WDR27: variants seen among roughly 807,000 people sequenced by gnomAD.
The protein encoded by WDR27 is WD repeat domain 27, also known as WD repeat-containing protein 27.
WDR27 carries 100 observed loss-of-function variants against 114.4 expected under a neutral mutation model. That is an observed-to-expected ratio of 0.87 (90% confidence interval 0.74 to 1.03). The LOEUF (loss-of-function observed/expected upper bound fraction) is 1.03. WDR27 is among the 50% of genes least tolerant of loss of function. The pLI is 0.00. For missense variants in WDR27, 1,129 were observed against 1,092.9 expected (o/e 1.03, Z -0.47); for synonymous variants, 449 against 423.1 (o/e 1.06, Z -0.75).
At chr6:169,528,327 C>A (rs187471233) in intron 25 of WDR27, among the ~76,000 whole-genome samples, 127 of 152,054 alleles carry the variant, frequency 8.4e-4, no homozygotes, top group African/African-American at 2.8e-3. Flanking sequence ...ATACAAATGC[C>A]CAGTATACTA....
chr6:169,622,444 T>C (rs1813606739), intron 21 of WDR27, among the ~76,000 whole-genome samples: 1 of 152,202 alleles, frequency 6.6e-6, no homozygotes, highest in Non-Finnish European at 1.5e-5. Flanking sequence ...AGCAGTGGTA[T>C]ATTTAACTGC....
chr6:169,443,230 C>T, the WDR27 span, among the ~76,000 whole-genome samples: 4 of 152,302 alleles, frequency 2.6e-5, no homozygotes, highest in African/African-American at 7.2e-5. Flanking sequence ...GACAGCAACA[C>T]GTGCCGTCAC....
intron 24 of WDR27, among the ~76,000 whole-genome samples, chr6:169,580,250 T>C (rs1803152145): frequency 6.6e-6 from 1 of 152,262 alleles, no homozygotes; most frequent in African/African-American, 2.4e-5. Context: ...TGGAATCACG[T>C]ATTAAATAAA....
intron 16 of WDR27, chr6:169,647,505 A>G: frequency 1.8e-6 from 1 of 552,672 alleles, no homozygotes. Flanking sequence ...GAGGAGCTGG[A>G]CACAGAACAG....
At chr6:169,512,019 C>T (rs1792965774) in intron 25 of WDR27, among the ~76,000 whole-genome samples, 1 of 152,078 alleles carries the variant, frequency 6.6e-6, no homozygotes, top group Non-Finnish European at 1.5e-5. Context: ...CAGTGTACAT[C>T]TTTTTTCAAA....
intron 5 of WDR27, chr6:169,667,401 A>G: frequency 8.2e-7 from 1 of 1,221,272 alleles, no homozygotes; most frequent in Non-Finnish European, 1.0e-6. Context: ...TTCCATAAAT[A>G]AAACCCTGGT....
At chr6:169,470,821 G>A (rs1786275203) in intron 25 of WDR27, among the ~76,000 whole-genome samples, 1 of 152,294 alleles carries the variant, frequency 6.6e-6, no homozygotes, top group Admixed American at 6.5e-5. Flanking sequence ...AAAGGAGCAT[G>A]CAATTTGGTC....
At chr6:169,700,561 G>A (rs187546429) in intron 1 of WDR27, among the ~76,000 whole-genome samples, 33 of 152,260 alleles carry the variant, frequency 2.2e-4, no homozygotes, top group Non-Finnish European at 3.4e-4. Context: ...GGCTAAATGC[G>A]GAGAATTCAG....
intron 24 of WDR27, among the ~76,000 whole-genome samples, chr6:169,577,440 T>C (rs978181928): frequency 6.7e-6 from 1 of 150,106 alleles, no homozygotes; most frequent in Non-Finnish European, 1.5e-5. Context: ...GTCGGGGGCC[T>C]GGAGACGGGG....
intron 2 of WDR27, among the ~76,000 whole-genome samples, chr6:169,679,559 CAGTG>C (rs1228395721): frequency 1.3e-5 from 2 of 152,270 alleles, no homozygotes; most frequent in Admixed American, 6.5e-5. Flanking sequence ...GTCCTCACCA[CAGTG>C]AGTGAGTTCT....
rs1386874231 is a variant in WDR27, at chr6:169,613,587, T to C, written c.2293A>G (p.Met765Val). ...AGGGTTCTCAGGTCCCACAGTCTCA[T>C]CCCATCGCCAATGGCCGTGGTCAGG... is the stretch of plus-strand genomic sequence containing the variant. ...LFLTTAIGDGMRLWDLRTLRC... is the reference protein window; with the variant it reads ...LFLTTAIGDGVRLWDLRTLRC... The change falls in exon 22 of 26, where the codon ATG (methionine) becomes GTG (valine). Residue 765 changes from methionine (M) to valine (V), a missense_variant. Transcript: ENST00000448612. 4.3e-6 allele frequency: 7 copies of C among 1,613,704 alleles called. No homozygotes were observed. Among genetic ancestry groups the C allele is most frequent in the African/African-American group, 1.3e-5 (1 of 74,880 alleles).
At position 169,636,519 on chromosome 6, in the gene WDR27, A is replaced by G. The variant is rs1817689800; in HGVS notation, c.1870-15T>C. On this transcript the variant is annotated splice_polypyrimidine_tract_variant and intron_variant, in intron 18 of 25. Transcript: ENST00000448612. ...ATGTCTTTGCCCTGTAATGCAAATC[A>G]GTAATTACTGTCAATATAATAAATG... 1.9e-6 allele frequency: 3 copies of G among 1,588,784 alleles called. No homozygotes were observed. Among genetic ancestry groups the G allele is most frequent in the South Asian group, 1.2e-5 (1 of 85,840 alleles).
At chr6:169,447,448 C>T in the WDR27 span, among the ~76,000 whole-genome samples, 10 of 152,158 alleles carry the variant, frequency 6.6e-5, no homozygotes, top group African/African-American at 2.4e-4. Context: ...TCCATTTCTT[C>T]TCTTGAAGCT....
At chr6:169,467,616 C>T (rs1190720850) in intron 25 of WDR27, among the ~76,000 whole-genome samples, 1 of 152,224 alleles carries the variant, frequency 6.6e-6, no homozygotes, top group Non-Finnish European at 1.5e-5. Flanking sequence ...ATGCAGGGCA[C>T]CAAGTCCTGA....
intron 23 of WDR27, among the ~76,000 whole-genome samples, chr6:169,599,127 A>ATCCCTCC: frequency 7.0e-6 from 1 of 141,894 alleles, no homozygotes; most frequent in East Asian, 2.4e-4. Context: ...TCCTAATGCT[A>ATCCCTCC]TCCCTCCCCC....
intron 25 of WDR27, among the ~76,000 whole-genome samples, chr6:169,510,222 G>A (rs2115525900): frequency 1.3e-5 from 2 of 152,268 alleles, no homozygotes; most frequent in South Asian, 4.2e-4. Flanking sequence ...AGTTGGCGTG[G>A]CAATTCCTCA....
chr6:169,645,908 G>A (rs1177406149), intron 16 of WDR27, among the ~76,000 whole-genome samples: 2 of 148,632 alleles, frequency 1.3e-5, no homozygotes, highest in Non-Finnish European at 3.0e-5. Context: ...TAGTTCACAG[G>A]GTCACACTGT....
intron 25 of WDR27, among the ~76,000 whole-genome samples, chr6:169,457,973 CGG>C (rs1784463251): frequency 8.9e-6 from 1 of 111,740 alleles, no homozygotes; most frequent in Admixed American, 8.7e-5. Context: ...GCACTCCTGA[CGG>C]AGGAGGAGGA....
rs1236589427 is a variant in WDR27, at chr6:169,638,585, G to A, written c.1823C>T (p.Thr608Ile). Residue 608 changes from threonine to isoleucine, a missense_variant, in exon 18 of 26, where the codon ACC becomes ATC. Physicochemically the swap from Thr to Ile is moderately conservative, Grantham distance 89 (BLOSUM62 -1). Coordinates refer to ENST00000448612, the MANE Select transcript of WDR27 (RefSeq NM_182552.5). ...CCCACGAGCCGACCACATTCGCAGG[G>A]TCCCGTCCCGGGCCGCAGAGAGCAG... The part of the protein sequence containing the change: ...RWLLSAARDG[T>I]LRMWSARGAE... 6.2e-7 allele frequency: 1 copy of A among 1,610,272 alleles called. No individual in the cohort carries two copies. The highest frequency in any genetic ancestry group is 1.7e-5 in the Admixed American group (1 of 59,648).
Sources: allele counts gnomAD v4.1 joint callset (sites outside exome capture counted in the v4.1 genomes callset), GRCh38; gene constraint gnomAD v4.1.1; transcripts MANE v1.5; gene names NCBI Gene and HGNC (gene_info 2026-07-23, HGNC 2026-07-21).